The following PML variants were observed in gnomAD, a reference collection of about 807,000 sequenced individuals.
PML encodes PML nuclear body scaffold.
In PML, 28 loss-of-function variants were observed where a neutral mutation model predicts 65.2. That is an observed-to-expected ratio of 0.43 (90% CI 0.32 to 0.59). The LOEUF is 0.59. Ranked by LOEUF, PML falls within the 20% of genes least tolerant of loss-of-function variation. The probability of loss-of-function intolerance (pLI) is 0.08; values close to 1 mark genes in which losing one functional copy is unlikely to be tolerated. For synonymous variants in PML, 500 were observed against 508.8 expected, an observed-to-expected ratio of 0.98 and a Z score of 0.23; for missense variants, 1,021 against 1,203.4, an observed-to-expected ratio of 0.85 and a Z score of 2.24.
At chr15:73,997,785 G>A (rs1430425445) in intron 1 of PML, among the ~76,000 whole-genome samples, 4 of 152,256 alleles carry the variant, frequency 2.6e-5, no homozygotes, top group African/African-American at 9.6e-5. Context: ...TACTGTGGGT[G>A]ATGAGAAGTA....
rs753529346 is a variant in PML at position 74,035,204 on chromosome 15, G to GTCCTCGCCAGCCCAC, written c.1710+715_1710+729dup. 261 of 1,466,786 alleles carry GTCCTCGCCAGCCCAC rather than the reference G, an allele frequency of 1.8e-4. No homozygotes were observed. The East Asian group carries it at 1.9e-3, about 11-fold the overall frequency. The allele number at this position is 1,466,786 out of a possible 1,614,324, so 90.9% of individuals were successfully genotyped here. A position where few individuals can be genotyped will look rare whatever the true frequency, so the allele number is the denominator to read the frequency against. On this transcript the variant is annotated intron_variant, in intron 7 of 8. Transcript: ENST00000268058. This position sits in a 1 kb window ranked among gnomAD's most constrained non-coding sequence, Gnocchi z 4.1. ...AGCCCATGGAGACCGCCGAGCCACA[G>GTCCTCGCCAGCCCAC]TCCTCGCCAGCCCACTCCTCGCCAG...
chr15:74,038,559 C>T (rs1477880342), intron 7 of PML, among the ~76,000 whole-genome samples: 1 of 152,012 alleles, frequency 6.6e-6, no homozygotes, highest in East Asian at 1.9e-4. Flanking sequence ...CAAATTAGGT[C>T]CCCCCTATGC....
rs1218863330 is a variant in PML at position 73,995,003 on chromosome 15, C to A, written c.129+62C>A. 3.5e-6 allele frequency: 5 copies of A among 1,414,124 alleles called. No homozygotes were observed. The East Asian group carries it at 1.0e-4, about 28-fold the overall frequency. The allele number at this position is 1,414,124 out of a possible 1,614,324, so 87.6% of individuals were successfully genotyped here. A position where few individuals can be genotyped will look rare whatever the true frequency, so the allele number is the denominator to read the frequency against. On this transcript the variant is annotated intron_variant, in intron 1 of 8. Transcript: ENST00000268058. The stretch of plus-strand genomic sequence containing the variant: ...GTTGGTTTGCTGTGGTGGGGAGAGG[C>A]GGGAAGAGAGGGTCTAACGGAGGAT...
At position 74,046,153 on chromosome 15, in the gene PML, G is replaced by C. The variant is rs2071768904; in HGVS notation, c.*1145G>C. ...AGCGGCCATCTGGCTGTGCCATCCTGCATTTTTAGGAATGGAAAGCAGGCC... is the reference window on the plus strand; with the variant it reads ...AGCGGCCATCTGGCTGTGCCATCCTCCATTTTTAGGAATGGAAAGCAGGCC... On this transcript the variant is annotated 3_prime_UTR_variant, in exon 9 of 9. Coordinates refer to ENST00000268058, the MANE Select transcript of PML (RefSeq NM_033238.3). 8.6e-6 allele frequency: 2 copies of C among 232,882 alleles called. No individual in the cohort carries two copies. Among genetic ancestry groups the C allele is most frequent in the Admixed American group, 1.1e-4 (2 of 17,766 alleles). 14.4% of individuals were successfully genotyped at this position (232,882 alleles called of 1,614,324 possible).
intron 2 of PML, among the ~76,000 whole-genome samples, chr15:74,010,577 A>T (rs929999143): frequency 1.3e-5 from 2 of 152,016 alleles, no homozygotes; most frequent in Non-Finnish European, 2.9e-5. Flanking sequence ...AACTGATAAA[A>T]TTAAAAACTA....
Position 74,035,162 on chromosome 15 carries a change from T to C in PML, c.1710+632T>C, listed in dbSNP as rs2071488298. ...TTCCAGCCCTCAGTCTGAGGTTCTG[T>C]ATTGGAAAGTGCATGGAGCCCATGG... On this transcript the variant is annotated intron_variant, in intron 7 of 8. Coordinates refer to ENST00000268058, the MANE Select transcript of PML (RefSeq NM_033238.3). The surrounding 1 kb of genome is among the most constrained non-coding windows in gnomAD (Gnocchi z 4.1). The C allele has an allele frequency of 8.3e-7, 1 of 1,207,192 alleles. No individual in the cohort carries two copies. Among genetic ancestry groups the C allele is most frequent in the African/African-American group, 1.5e-5 (1 of 67,082 alleles). The allele number at this position is 1,207,192 out of a possible 1,614,324, so 74.8% of individuals were successfully genotyped here.
Position 73,998,288 on chromosome 15 carries a change from C to A in PML, c.414C>A (p.Phe138Leu). The A allele has an allele frequency of 6.2e-7, 1 of 1,614,230 alleles. No homozygotes were observed. Among genetic ancestry groups the A allele is most frequent in the Non-Finnish European group, 8.5e-7 (1 of 1,180,034 alleles). ...VCTRCKESAD[F>L]WCFECEQLLC... ...CCCGCTGCAAAGAGTCGGCCGACTT[C>A]TGGTGCTTTGAGTGCGAGCAGCTCC... The change falls in exon 2 of 9, where the codon TTC becomes TTA. Residue 138 changes from phenylalanine (F) to leucine (L), a missense_variant. Phe to Leu is a conservative substitution (Grantham distance 22, BLOSUM62 0). Coordinates refer to ENST00000268058, the MANE Select transcript of PML (RefSeq NM_033238.3).
At chr15:73,999,467 C>T (rs1472013642) in intron 2 of PML, among the ~76,000 whole-genome samples, 2 of 152,136 alleles carry the variant, frequency 1.3e-5, no homozygotes, top group African/African-American at 4.8e-5. Flanking sequence ...ATAAACTTCC[C>T]ACACTATCAG....
intron 5 of PML, 112 bp downstream of exon 5, chr15:74,032,827 G>GA (rs1567135505): frequency 1.7e-6 from 2 of 1,183,706 alleles, no homozygotes; most frequent in African/African-American, 1.5e-5. Context: ...CTCTTTGTGG[G>GA]AAAGTGTTTG....
chr15:74,034,761 G>C, intron 7 of PML: 1 of 1,471,338 alleles, frequency 6.8e-7, no homozygotes, highest in East Asian at 2.5e-5. Context: ...AATGCTGATA[G>C]CATGTGTCCA....
In PML at chr15:74,035,155, G is replaced by A; in HGVS notation, c.1710+625G>A. On this transcript the variant is annotated intron_variant, in intron 7 of 8. Transcript: ENST00000268058. The surrounding 1 kb of genome is among the most constrained non-coding windows in gnomAD (Gnocchi z 4.1). Reference sequence around the variant, plus strand: ...AGGTCTCTTCCAGCCCTCAGTCTGAGGTTCTGTATTGGAAAGTGCATGGAG... The same window carrying A: ...AGGTCTCTTCCAGCCCTCAGTCTGAAGTTCTGTATTGGAAAGTGCATGGAG... The A allele has an allele frequency of 1.7e-6, 2 of 1,190,258 alleles. No homozygotes were observed. Among genetic ancestry groups the A allele is most frequent in the Non-Finnish European group, 1.3e-6 (1 of 794,426 alleles). 73.7% of individuals were successfully genotyped at this position (1,190,258 alleles called of 1,614,324 possible).
intron 2 of PML, among the ~76,000 whole-genome samples, chr15:74,001,713 A>G (rs2069770461): frequency 6.6e-6 from 1 of 152,198 alleles, no homozygotes; most frequent in Non-Finnish European, 1.5e-5. Context: ...TGATAACTTC[A>G]TTAGTGTTCT....
intron 2 of PML, among the ~76,000 whole-genome samples, chr15:74,016,272 T>A (rs2070568676): frequency 6.6e-6 from 1 of 151,590 alleles, no homozygotes; most frequent in African/African-American, 2.4e-5. Flanking sequence ...CGAGACTCCA[T>A]CTCAAAATAA....
intron 1 of PML, among the ~76,000 whole-genome samples, chr15:73,997,563 T>TAG (rs1224193924): frequency 1.3e-5 from 2 of 152,250 alleles, no homozygotes; most frequent in South Asian, 2.1e-4. Context: ...GTTGTACAAG[T>TAG]ATCTGTTTGG....
chr15:74,011,756 G>A (rs1453575545), intron 2 of PML, among the ~76,000 whole-genome samples: 1 of 152,212 alleles, frequency 6.6e-6, no homozygotes, highest in Non-Finnish European at 1.5e-5. Context: ...AAGATTATCA[G>A]GAAGAGAGAA....
At chr15:74,016,059 A>G (rs1312208987) in intron 2 of PML, among the ~76,000 whole-genome samples, 1 of 152,172 alleles carries the variant, frequency 6.6e-6, no homozygotes, top group Non-Finnish European at 1.5e-5. Context: ...TGGGCAGATC[A>G]CGAGGTCAAG....
chr15:74,034,511 A>C lies in PML; in HGVS notation c.1691A>C (p.Asp564Ala). 1 of 1,614,092 alleles carries C rather than the reference A, an allele frequency of 6.2e-7. No homozygotes were observed. Among genetic ancestry groups the C allele is most frequent in the Non-Finnish European group, 8.5e-7 (1 of 1,180,008 alleles). The change falls in exon 7 of 9, where the codon GAC (aspartate) becomes GCC (alanine). Residue 564 changes from aspartate to alanine, a missense_variant. Coordinates refer to ENST00000268058, the MANE Select transcript of PML (RefSeq NM_033238.3). ...ERVVVISSSE[D>A]SDAENSSSRE... ...GTTGTGGTGATCAGCAGCTCGGAAG[A>C]CTCAGATGCCGAAAACTCGGTGAGT...
intron 5 of PML, 74 bp downstream of exon 5, chr15:74,032,789 G>A: frequency 1.3e-6 from 2 of 1,500,832 alleles, no homozygotes; most frequent in East Asian, 4.5e-5. Flanking sequence ...TGGCACTGGG[G>A]TGGGAATCCA....
At position 74,032,725 on chromosome 15, in the gene PML, T is replaced by C; in HGVS notation, c.1398+10T>C. On this transcript the variant is annotated intron_variant, in intron 5 of 8. Transcript: ENST00000268058. ...CCCTTCCTATGGAGAGGTAAGGTTC[T>C]CCCCAGCCCCAGCCTTCCCTCCTGA... 1.2e-6 allele frequency: 2 copies of C among 1,614,074 alleles called. No homozygotes were observed. The highest frequency in any genetic ancestry group is 1.7e-6 in the Non-Finnish European group (2 of 1,179,930).
Sources: gnomAD v4.1 joint callset for allele counts (sites outside exome capture counted in the v4.1 genomes callset) on GRCh38, gnomAD v4.1.1 for gene constraint, Gnocchi (gnomAD v3.1) non-coding constraint, MANE v1.5 for transcripts, NCBI Gene and HGNC (gene_info 2026-07-23, HGNC 2026-07-21) for gene names.